Variants in CRLF2 observed in about 807,000 individuals in gnomAD.
The protein encoded by CRLF2 is cytokine receptor like factor 2, also known as cytokine receptor-like factor 2.
In CRLF2, 41 loss-of-function variants were observed where a neutral mutation model predicts 38.7. The ratio of observed to expected loss-of-function variants is 1.06; its 90% confidence interval spans 0.83 to 1.37. The LOEUF (loss-of-function observed/expected upper bound fraction) is 1.37. CRLF2 is among the 40% of genes most tolerant of loss of function. CRLF2 has a pLI of 0.00. For missense variants in CRLF2, 377 were observed against 322.2 expected, an observed-to-expected ratio of 1.17 and a Z score of -1.30; for synonymous variants, 140 against 128.8, an observed-to-expected ratio of 1.09 and a Z score of -0.59.
intron 3 of CRLF2, among the ~76,000 whole-genome samples, chrX:1,204,886 C>A (rs185242351): frequency 1.3e-5 from 2 of 152,088 alleles, no homozygotes; most frequent in African/African-American, 4.8e-5. Context: ...GTGGCACCAA[C>A]GTGGCTCACT....
chrX:1,201,931 GAGAT>G (rs1365467151), intron 4 of CRLF2, among the ~76,000 whole-genome samples: 6 of 151,880 alleles, frequency 4.0e-5, no homozygotes, highest in Non-Finnish European at 8.8e-5. Context: ...GAGCCATAGA[GAGAT>G]AGATAGAACA....
Position 1,206,474 on chromosome X carries a change from G to A in CRLF2, c.308C>T (p.Thr103Met), listed in dbSNP as rs750085547. ...DILYFSIRNG[T>M]HPVFTASRWM... is the part of the protein sequence containing the mutation. ...GCGACTTGCGGTGAAAACGGGGTGC[G>A]TCCCATTCCTGATGGAGAAATAGAG... Residue 103 changes from threonine to methionine, a missense_variant, in exon 3 of 8, where the codon ACG (threonine) becomes ATG (methionine). Thr to Met is a moderately conservative substitution (Grantham distance 81). Coordinates refer to ENST00000400841, the MANE Select transcript of CRLF2 (RefSeq NM_022148.4). 3 of 1,613,532 alleles carry A rather than the reference G, an allele frequency of 1.9e-6. No individual in the cohort carries two copies. The highest frequency in any genetic ancestry group is 1.7e-5 in the Admixed American group (1 of 59,978).
intron 5 of CRLF2, among the ~76,000 whole-genome samples, chrX:1,197,183 C>G (rs1325188114): frequency 1.3e-5 from 2 of 149,318 alleles, no homozygotes; most frequent in African/African-American, 4.9e-5. Flanking sequence ...ACCTCCGTCT[C>G]CCGGACTCAA....
intron 6 of CRLF2, 105 bp downstream of exon 6, chrX:1,196,675 G>C: frequency 7.1e-7 from 1 of 1,406,854 alleles, no homozygotes; most frequent in Non-Finnish European, 9.6e-7. Flanking sequence ...TATGGAAACT[G>C]AGGCCCAGGG....
At chrX:1,204,802 C>T (rs2086664573) in intron 3 of CRLF2, among the ~76,000 whole-genome samples, 1 of 147,554 alleles carries the variant, frequency 6.8e-6, no homozygotes, top group Admixed American at 6.9e-5. Context: ...ACCGGGATTA[C>T]AGGGGTAAGC....
intron 3 of CRLF2, among the ~76,000 whole-genome samples, chrX:1,204,290 G>A (rs1165176592): frequency 4.6e-5 from 7 of 151,854 alleles, no homozygotes; most frequent in East Asian, 1.9e-4. Flanking sequence ...GTGCAATGGC[G>A]CGATCTCGGC....
chrX:1,192,153 C>T (rs1275917334), intron 7 of CRLF2, among the ~76,000 whole-genome samples: 42 of 133,424 alleles, frequency 3.1e-4, no homozygotes, highest in Admixed American at 1.1e-3. Context: ...TGCAGTGAGC[C>T]GAGATCCCGC....
At chrX:1,209,294 T>TTGTAGTGTAGTGTATTGTAGTGTAG (rs1556425196) in intron 1 of CRLF2, among the ~76,000 whole-genome samples, 3 of 142,404 alleles carry the variant, frequency 2.1e-5, no homozygotes, top group South Asian at 4.7e-4. Context: ...TTGCATTGTA[T>TTGTAGTGTAGTGTATTGTAGTGTAG]TGTAGTGTAG....
intron 7 of CRLF2, among the ~76,000 whole-genome samples, chrX:1,192,872 G>A (rs1341019051): frequency 6.7e-6 from 1 of 148,660 alleles, no homozygotes; most frequent in Non-Finnish European, 1.5e-5. Flanking sequence ...GGAGTGCAGT[G>A]GTACAATCTC....
At chrX:1,212,178 G>C (rs2086814652) in intron 1 of CRLF2, among the ~76,000 whole-genome samples, 1 of 151,818 alleles carries the variant, frequency 6.6e-6, no homozygotes, top group Admixed American at 6.6e-5. Flanking sequence ...GTGATTAATG[G>C]GAAAAGATAG....
rs1282703134 is a variant in CRLF2, at chrX:1,190,840, C to T, written c.*57G>A. 3 of 398,550 alleles carry T rather than the reference C, an allele frequency of 7.5e-6. No homozygotes were observed. Among genetic ancestry groups the T allele is most frequent in the Non-Finnish European group, 1.3e-5 (3 of 226,076 alleles). The allele number at this position is 398,550 out of a possible 1,614,324, so 24.7% of individuals were successfully genotyped here. ...GGTGTGGAGTCCCCGGGACAGTCCCCTCTGTCTTTAAATGTCAACGTGGAT... is the reference window on the plus strand; with the variant it reads ...GGTGTGGAGTCCCCGGGACAGTCCCTTCTGTCTTTAAATGTCAACGTGGAT... On this transcript the variant is annotated 3_prime_UTR_variant, in exon 8 of 8. Transcript: ENST00000400841.
intron 1 of CRLF2, 112 bp downstream of exon 1, chrX:1,212,437 AAGAAAAG>A (rs1188234726): frequency 1.2e-5 from 6 of 486,130 alleles, no homozygotes; most frequent in South Asian, 3.0e-5. Context: ...AAAAAAAAAA[AAGAAAAG>A]AAGAAAGAAA....
chrX:1,211,877 ATGGATGGG>A (rs1218266306), intron 1 of CRLF2, among the ~76,000 whole-genome samples: 3 of 81,108 alleles, frequency 3.7e-5, no homozygotes, highest in East Asian at 2.8e-4. Flanking sequence ...GTATTGGTAG[ATGGATGGG>A]TGGATGGGTG....
At chrX:1,212,354 T>C (rs2086817992) in intron 1 of CRLF2, among the ~76,000 whole-genome samples, 1 of 149,804 alleles carries the variant, frequency 6.7e-6, no homozygotes, top group Non-Finnish European at 1.5e-5. Flanking sequence ...TTCATGTATT[T>C]ACTTATAAAT....
intron 7 of CRLF2, among the ~76,000 whole-genome samples, chrX:1,191,772 C>G (rs2086385176): frequency 6.6e-6 from 1 of 151,386 alleles, no homozygotes; most frequent in East Asian, 2.0e-4. Context: ...CTCAGGTGAT[C>G]CACCCGACTC....
intron 7 of CRLF2, among the ~76,000 whole-genome samples, 188 bp from the exon 8 acceptor site, chrX:1,191,348 T>TCCTTC (rs1556415577): frequency 8.1e-6 from 1 of 122,756 alleles, no homozygotes; most frequent in Admixed American, 9.1e-5. Flanking sequence ...TTTCTTTCCT[T>TCCTTC]CTTTCTTTCT....
intron 1 of CRLF2, among the ~76,000 whole-genome samples, chrX:1,209,319 G>C (rs1246355256): frequency 2.7e-5 from 4 of 149,698 alleles, no homozygotes; most frequent in African/African-American, 9.8e-5. Flanking sequence ...GTGTAGTGTA[G>C]TGTAGTGTAG....
rs2086425214 is a variant in CRLF2 at position 1,193,273 on chromosome X, G to A, written c.797C>T (p.Pro266Leu). The part of the protein sequence containing the change: ...RVKKFLIPSV[P>L]DPKSIFPGLF... ...CCCGGGGAAGATGGATTTCGGGTCTGGCACGCTGGGAATGAGAAACTTCTT... is the reference window on the plus strand; with the variant it reads ...CCCGGGGAAGATGGATTTCGGGTCTAGCACGCTGGGAATGAGAAACTTCTT... The change falls in exon 7 of 8, where the codon CCA becomes CTA. Residue 266 changes from proline (P) to leucine (L), a missense_variant. Coordinates refer to ENST00000400841, the MANE Select transcript of CRLF2 (RefSeq NM_022148.4). The A allele has an allele frequency of 2.5e-6, 1 of 398,476 alleles. No individual in the cohort carries two copies. 24.7% of individuals were successfully genotyped at this position (398,476 alleles called of 1,614,324 possible). A position where few individuals can be genotyped will look rare whatever the true frequency, so the allele number is the denominator to read the frequency against.
chrX:1,193,363 G>C, intron 6 of CRLF2, 61 bp from the exon 7 acceptor site: 1 of 398,528 alleles, frequency 2.5e-6, no homozygotes, highest in Non-Finnish European at 4.4e-6. Flanking sequence ...GGGTTGGCAA[G>C]AAGCACCTAC....
Sources: gnomAD v4.1 joint callset for allele counts (sites outside exome capture counted in the v4.1 genomes callset) on GRCh38, gnomAD v4.1.1 for gene constraint, MANE v1.5 for transcripts, NCBI Gene and HGNC (gene_info 2026-07-23, HGNC 2026-07-21) for gene names.